RBFOX1: variants seen among roughly 807,000 people sequenced by gnomAD.
The protein encoded by RBFOX1 is RNA binding protein fox-1 homolog 1.
Under a neutral mutation model 57.7 loss-of-function variants are expected in RBFOX1, and 8 were observed. The observed-to-expected ratio is 0.14, with a 90% CI of 0.08 to 0.25. The LOEUF is 0.25. Ranked by LOEUF, RBFOX1 falls within the 10% of genes least tolerant of loss-of-function variation. The pLI is 1.00. For synonymous variants in RBFOX1, 326 were observed against 222.4 expected (o/e 1.47, Z -4.15); for missense variants, 611 against 548.5 (o/e 1.11, Z -1.14).
chr16:5,768,017 A>G (rs1202012974), intron 3 of RBFOX1, among the ~76,000 whole-genome samples: 1 of 152,228 alleles, frequency 6.6e-6, no homozygotes, highest in Non-Finnish European at 1.5e-5. Context: ...GAATGAATGT[A>G]TAGCTCACCC....
chr16:5,394,915 C>T lies in RBFOX1; in HGVS notation c.220-72301C>T, dbSNP rs115238146. 1.1e-4 allele frequency among the ~76,000 whole-genome samples: 16 copies of T among 152,188 alleles called. No homozygotes were observed. The East Asian group carries it at 2.5e-3, about 24-fold the overall frequency. Reference sequence around the variant, plus strand: ...TTGCTAGGACTGAAGTGGTAACATCCTCACTGGCCACCTTGTGTCCAGCCG... The same window carrying T: ...TTGCTAGGACTGAAGTGGTAACATCTTCACTGGCCACCTTGTGTCCAGCCG... On this transcript the variant is annotated intron_variant, in intron 1 of 2. Coordinates refer to the RBFOX1 transcript ENST00000585867.
chr16:7,194,198 A>G (rs1406451870), intron 4 of RBFOX1, among the ~76,000 whole-genome samples: 4 of 152,208 alleles, frequency 2.6e-5, no homozygotes, highest in African/African-American at 9.7e-5. Flanking sequence ...GTTTTTAGTA[A>G]TAAAATGGAA....
intron 3 of RBFOX1, among the ~76,000 whole-genome samples, chr16:6,711,536 T>A (rs897463717): frequency 2.6e-5 from 4 of 152,210 alleles, no homozygotes; most frequent in African/African-American, 9.6e-5. Context: ...ATATGATGGT[T>A]TAAAAGTGTT....
At chr16:6,111,179 T>G (rs1288680312) in intron 1 of RBFOX1, among the ~76,000 whole-genome samples, 4 of 152,304 alleles carry the variant, frequency 2.6e-5, no homozygotes, top group South Asian at 4.1e-4. Context: ...TTCATAATTC[T>G]TAATGAAAAG....
At chr16:6,750,055 T>C (rs1035870002) in intron 3 of RBFOX1, among the ~76,000 whole-genome samples, 4 of 152,156 alleles carry the variant, frequency 2.6e-5, no homozygotes, top group African/African-American at 9.7e-5. Context: ...AGCTATCAAC[T>C]AGGGGCTAAC....
chr16:7,444,609 T>C (rs1296773007), intron 4 of RBFOX1, among the ~76,000 whole-genome samples: 3 of 152,132 alleles, frequency 2.0e-5, no homozygotes, highest in Non-Finnish European at 2.9e-5. Context: ...CCTAGCTCAC[T>C]GCAGCCTCAA....
intron 4 of RBFOX1, among the ~76,000 whole-genome samples, chr16:5,914,570 A>G (rs1442976373): frequency 1.3e-5 from 2 of 152,110 alleles, no homozygotes; most frequent in African/African-American, 4.8e-5. Flanking sequence ...ACAACATGGC[A>G]GCTGGTGATG....
chr16:7,663,421 A>G (rs772296957), intron 12 of RBFOX1, among the ~76,000 whole-genome samples: 2 of 152,238 alleles, frequency 1.3e-5, no homozygotes, highest in South Asian at 2.1e-4. Flanking sequence ...AGTTTAGTCA[A>G]TCAACTCTGA....
At chr16:5,621,693 C>A (rs8054565) in intron 3 of RBFOX1, among the ~76,000 whole-genome samples, 74,280 of 152,034 alleles carry the variant, frequency 0.49, 22,587 homozygotes, top group Non-Finnish European at 0.69. Flanking sequence ...TGGAAAATAC[C>A]AGGATGGTGA....
intron 4 of RBFOX1, among the ~76,000 whole-genome samples, chr16:7,376,597 T>C (rs928642181): frequency 2.0e-5 from 3 of 152,170 alleles, no homozygotes; most frequent in Admixed American, 2.0e-4. Flanking sequence ...CCAGGGGATG[T>C]CATGTTATGT....
At chr16:5,834,832 A>T (rs1038160331) in intron 3 of RBFOX1, among the ~76,000 whole-genome samples, 1 of 152,014 alleles carries the variant, frequency 6.6e-6, no homozygotes, top group Non-Finnish European at 1.5e-5. Flanking sequence ...ACAGACAGAC[A>T]GACAGATTTC....
chr16:6,748,654 G>T (rs1431681875), intron 3 of RBFOX1, among the ~76,000 whole-genome samples: 1 of 152,138 alleles, frequency 6.6e-6, no homozygotes, highest in African/African-American at 2.4e-5. Flanking sequence ...GCAAGATCCT[G>T]TCTCAAACAA....
intron 3 of RBFOX1, among the ~76,000 whole-genome samples, chr16:6,686,519 C>T (rs900689629): frequency 2.0e-5 from 3 of 152,134 alleles, no homozygotes; most frequent in African/African-American, 4.8e-5. Flanking sequence ...TGGTGTTCTT[C>T]CATCCATGAA....
intron 2 of RBFOX1, among the ~76,000 whole-genome samples, chr16:5,468,917 A>G (rs2069040577): frequency 6.6e-6 from 1 of 152,210 alleles, no homozygotes; most frequent in South Asian, 2.1e-4. Context: ...CCCGTCCCTT[A>G]GCTTAATTCT....
Position 7,016,953 on chromosome 16 carries a change from C to G in RBFOX1, c.-15-35104C>G, listed in dbSNP as rs573307457. Among the ~76,000 whole-genome samples, 3 of 152,218 alleles carry G rather than the reference C, an allele frequency of 2.0e-5. 1 individual carries two copies. The highest frequency in any genetic ancestry group is 4.1e-4 in the South Asian group (2 of 4,824). On this transcript the variant is annotated intron_variant, in intron 3 of 15. Transcript: ENST00000550418. ...TGGTAAATTTGTTTCATGTTTTTGT[C>G]CCATCAGTAGTAAAGGTTTCACCAT... is the stretch of plus-strand genomic sequence containing the variant.
chr16:7,201,860 T>C (rs1274766703), intron 4 of RBFOX1, among the ~76,000 whole-genome samples: 2 of 152,148 alleles, frequency 1.3e-5, no homozygotes, highest in Non-Finnish European at 2.9e-5. Flanking sequence ...CTGTAGACTG[T>C]AGATCAGAGG....
chr16:5,589,821 G>A (rs1351240002), intron 2 of RBFOX1, among the ~76,000 whole-genome samples: 1 of 151,996 alleles, frequency 6.6e-6, no homozygotes, highest in Non-Finnish European at 1.5e-5. Context: ...CCAACTCTAC[G>A]TGACCCCCAG....
chr16:6,113,955 G>C (rs2096472218), intron 1 of RBFOX1, among the ~76,000 whole-genome samples: 1 of 152,196 alleles, frequency 6.6e-6, no homozygotes, highest in South Asian at 2.1e-4. Flanking sequence ...GTATCCAGCT[G>C]TTCTAAATAG....
chr16:6,926,982 TCA>T (rs1386727710), intron 3 of RBFOX1, among the ~76,000 whole-genome samples: 1 of 152,148 alleles, frequency 6.6e-6, no homozygotes, highest in Non-Finnish European at 1.5e-5. Context: ...TGCCAGCTTC[TCA>T]GACAGCTTTG....
Sources: gnomAD v4.1 joint callset for allele counts (sites outside exome capture counted in the v4.1 genomes callset) on GRCh38, gnomAD v4.1.1 for gene constraint, MANE v1.5 for transcripts, NCBI Gene and HGNC (gene_info 2026-07-23, HGNC 2026-07-21) for gene names.